Variants in LONP2 observed in about 807,000 individuals in gnomAD.
LONP2 encodes the protein lon peptidase 2, peroxisomal.
A neutral mutation model predicts 85.6 loss-of-function variants in LONP2; 60 were observed. The ratio of observed to expected loss-of-function variants is 0.70; its 90% CI spans 0.57 to 0.87. The LOEUF (loss-of-function observed/expected upper bound fraction) is 0.87. Among genes scored for constraint, LONP2 ranks in the 40% least tolerant of loss-of-function variants. The pLI, the probability that LONP2 is intolerant of heterozygous loss-of-function variation, is 0.00. For synonymous variants in LONP2, 395 were observed against 389.7 expected (o/e 1.01, Z -0.16); for missense variants, 860 against 1,063.5 (o/e 0.81, Z 2.66).
intron 1 of LONP2, among the ~76,000 whole-genome samples, chr16:48,245,344 G>A (rs1288671693): frequency 6.6e-6 from 1 of 152,188 alleles, no homozygotes; most frequent in Non-Finnish European, 1.5e-5. Flanking sequence ...CCCTATTGGT[G>A]TGACTTTGGG....
chr16:48,280,151 A>G (rs910739686), intron 8 of LONP2, among the ~76,000 whole-genome samples: 4 of 152,148 alleles, frequency 2.6e-5, no homozygotes, highest in Admixed American at 2.0e-4. Context: ...TCTTTTTACT[A>G]TGAAGAGTAA....
At chr16:48,330,269 A>T (rs1177287019) in intron 11 of LONP2, among the ~76,000 whole-genome samples, 1 of 152,270 alleles carries the variant, frequency 6.6e-6, no homozygotes, top group Admixed American at 6.5e-5. Flanking sequence ...AGAAAGGTAT[A>T]TAAGAAGAAA....
intron 5 of LONP2, among the ~76,000 whole-genome samples, chr16:48,261,867 C>A (rs1349320482): frequency 6.6e-6 from 1 of 152,022 alleles, no homozygotes; most frequent in African/African-American, 2.4e-5. Context: ...CAAGGACTGT[C>A]CATTTCTCTT....
intron 11 of LONP2, among the ~76,000 whole-genome samples, chr16:48,310,643 C>T (rs1973011570): frequency 6.6e-6 from 1 of 152,128 alleles, no homozygotes; most frequent in African/African-American, 2.4e-5. Flanking sequence ...TGAACCACCG[C>T]AACCAGCCAG....
downstream of LONP2, chr16:48,362,189 T>A (rs1302082196): frequency 1.9e-6 from 3 of 1,614,010 alleles, no homozygotes; most frequent in African/African-American, 4.0e-5. This position sits in a 1 kb window ranked among gnomAD's most constrained non-coding sequence, Gnocchi z 4.2. Context: ...TGCGAATGGA[T>A]CCCAAAGGGC....
chr16:48,339,602 C>CACA (rs1276958139), intron 12 of LONP2, among the ~76,000 whole-genome samples: 3 of 152,090 alleles, frequency 2.0e-5, no homozygotes, highest in African/African-American at 7.2e-5. Context: ...CAGTAGAGAG[C>CACA]ACAGACTGAT....
chr16:48,269,679 GA>G (rs1018540514), intron 6 of LONP2, among the ~76,000 whole-genome samples: 22 of 151,858 alleles, frequency 1.4e-4, no homozygotes, highest in African/African-American at 5.1e-4. Flanking sequence ...CTGAAATAAG[GA>G]AAAAAATCAC....
At chr16:48,293,536 G>C (rs1169420357) in intron 8 of LONP2, among the ~76,000 whole-genome samples, 1 of 152,128 alleles carries the variant, frequency 6.6e-6, no homozygotes, top group African/African-American at 2.4e-5. Context: ...CTACGTATAA[G>C]AAACACTGCA....
intron 10 of LONP2, 82 bp downstream of exon 10, chr16:48,299,870 C>A: frequency 7.1e-7 from 1 of 1,400,212 alleles, no homozygotes; most frequent in Non-Finnish European, 9.7e-7. Context: ...CATAGAGTAT[C>A]AATATTTGAG....
At chr16:48,330,757 C>G (rs1416187779) in intron 11 of LONP2, among the ~76,000 whole-genome samples, 1 of 152,120 alleles carries the variant, frequency 6.6e-6, no homozygotes, top group Non-Finnish European at 1.5e-5. Flanking sequence ...CCTTAGTTTT[C>G]TAGGCATATA....
intron 11 of LONP2, among the ~76,000 whole-genome samples, chr16:48,314,474 A>T (rs1156257154): frequency 6.6e-6 from 1 of 152,000 alleles, no homozygotes; most frequent in Non-Finnish European, 1.5e-5. Flanking sequence ...TTGAGTTATT[A>T]AATAATTTTT....
At chr16:48,245,934 T>C (rs1215349712) in intron 1 of LONP2, among the ~76,000 whole-genome samples, 1 of 152,160 alleles carries the variant, frequency 6.6e-6, no homozygotes, top group African/African-American at 2.4e-5. Context: ...GTTTTCAGTT[T>C]AGAGCTTCTC....
At chr16:48,250,052 C>T (rs550355760) in intron 1 of LONP2, among the ~76,000 whole-genome samples, 3 of 151,924 alleles carry the variant, frequency 2.0e-5, no homozygotes, top group Middle Eastern at 3.4e-3. Flanking sequence ...ATTAGCTGGG[C>T]GTGGTGGTGT....
intron 2 of LONP2, among the ~76,000 whole-genome samples, chr16:48,256,034 A>G (rs1257461718): frequency 1.3e-5 from 2 of 152,218 alleles, no homozygotes; most frequent in African/African-American, 2.4e-5. Flanking sequence ...TAATACACAT[A>G]TTTCTAATAA....
Position 48,282,627 on chromosome 16 carries a change from C to G in LONP2, c.1383+5148C>G, listed in dbSNP as rs189506474. Among the ~76,000 whole-genome samples the G allele has an allele frequency of 2.0e-5, 3 of 152,192 alleles. No homozygotes were observed. The East Asian group carries it at 5.8e-4, about 29-fold the overall frequency. ...TGTGATTGTTTTGGGGCACCACAAA[C>G]TGCACCCATATAAGACAGCAAACTT... On this transcript the variant is annotated intron_variant, in intron 8 of 14. Transcript: ENST00000285737.
chr16:48,361,732 G>T, downstream of LONP2: 11 of 1,614,100 alleles, frequency 6.8e-6, no homozygotes, highest in Non-Finnish European at 8.5e-6. Context: ...CAAGTCAATC[G>T]TCGCCTATGA....
At chr16:48,252,454 T>C (rs1971675329) in intron 2 of LONP2, 89 bp downstream of exon 2, 1 of 773,154 alleles carries the variant, frequency 1.3e-6, no homozygotes, top group Admixed American at 3.0e-5. Context: ...ATAGTGAAGT[T>C]TTAGGACAGT....
At position 48,355,507 on chromosome 16, in the gene LONP2, C is replaced by T. The variant is rs192710636; in HGVS notation, c.*3705C>T. 1 of 152,168 alleles carries T rather than the reference C, an allele frequency of 6.6e-6. No individual in the cohort carries two copies. The highest frequency in any genetic ancestry group is 1.5e-5 in the Non-Finnish European group (1 of 68,034). 9.4% of individuals were successfully genotyped at this position (152,168 alleles called of 1,614,324 possible). A position where few individuals can be genotyped will look rare whatever the true frequency, so the allele number is the denominator to read the frequency against. ...AATAAATTCGTACTTTTAAATTACC[C>T]AGTCTCAGGTATTCTGTTACGGTTA... On this transcript the variant is annotated 3_prime_UTR_variant, in exon 15 of 15. Coordinates refer to ENST00000285737, the MANE Select transcript of LONP2 (RefSeq NM_031490.5).
intron 11 of LONP2, among the ~76,000 whole-genome samples, chr16:48,314,297 C>T (rs75822010): frequency 6.6e-6 from 1 of 152,020 alleles, no homozygotes; most frequent in Non-Finnish European, 1.5e-5. Context: ...TGCAGAAGCT[C>T]TTTAGTTTAA....
Sources: allele counts gnomAD v4.1 joint callset (sites outside exome capture counted in the v4.1 genomes callset), GRCh38; gene constraint gnomAD v4.1.1; non-coding constraint Gnocchi (gnomAD v3.1); transcripts MANE v1.5; gene names NCBI Gene and HGNC (gene_info 2026-07-23, HGNC 2026-07-21).